Variants in ZCWPW2 observed in about 807,000 individuals in gnomAD.
The protein encoded by ZCWPW2 is zinc finger CW-type PWWP domain protein 2.
A neutral mutation model predicts 46.6 loss-of-function variants in ZCWPW2; 45 were observed. The ratio of observed to expected loss-of-function variants is 0.96; its 90% CI spans 0.76 to 1.24. The LOEUF is 1.24. ZCWPW2 is among the 50% of genes most tolerant of loss of function. ZCWPW2 has a pLI of 0.00. For missense variants in ZCWPW2, 429 were observed against 403.9 expected (o/e 1.06, Z -0.53); for synonymous variants, 152 against 137.1 (o/e 1.11, Z -0.76).
intron 3 of ZCWPW2, among the ~76,000 whole-genome samples, chr3:28,433,763 A>AC (rs895415550): frequency 7.0e-5 from 10 of 143,526 alleles, no homozygotes; most frequent in African/African-American, 2.2e-4. Flanking sequence ...CTTAAAAAAA[A>AC]AAAAAACAAA....
chr3:28,495,106 A>G (rs1277476376), intron 6 of ZCWPW2, among the ~76,000 whole-genome samples: 2 of 151,840 alleles, frequency 1.3e-5, no homozygotes, highest in Non-Finnish European at 2.9e-5. Flanking sequence ...ACCAAAAAAG[A>G]GCCCGCATCG....
intron 2 of ZCWPW2, among the ~76,000 whole-genome samples, chr3:28,403,789 G>A (rs902046321): frequency 1.4e-4 from 21 of 152,202 alleles, no homozygotes; most frequent in African/African-American, 4.6e-4. Context: ...AACATAAAGT[G>A]AGGAAAGGAC....
rs149253218 is a variant in ZCWPW2 at position 28,396,063 on chromosome 3, T to C, written c.-14+5446T>C. ...CTGGTAGAAAGGGCAAAGGAGCTGA[T>C]AATGCAGCAGGGTCAGTAGAGAGTT... On this transcript the variant is annotated intron_variant, in intron 2 of 9. Coordinates refer to ENST00000383768, the MANE Select transcript of ZCWPW2 (RefSeq NM_001040432.4). 6.6e-3 allele frequency among the ~76,000 whole-genome samples: 1,009 copies of C among 152,212 alleles called. 9 individuals carry two copies. The highest frequency in any genetic ancestry group is 0.02 in the African/African-American group (849 of 41,536).
intron 4 of ZCWPW2, among the ~76,000 whole-genome samples, chr3:28,469,019 A>G (rs1049669179): frequency 1.3e-5 from 2 of 152,192 alleles, no homozygotes; most frequent in African/African-American, 2.4e-5. Context: ...ACTTTTCAAG[A>G]CATAGAGAGT....
At chr3:28,389,307 A>C (rs774570022) in intron 1 of ZCWPW2, among the ~76,000 whole-genome samples, 5 of 152,180 alleles carry the variant, frequency 3.3e-5, no homozygotes, top group Non-Finnish European at 7.3e-5. Context: ...TGAGCTAGAA[A>C]TTTGAGTCCC....
At chr3:28,393,371 A>G (rs1000662161) in intron 2 of ZCWPW2, among the ~76,000 whole-genome samples, 8 of 152,158 alleles carry the variant, frequency 5.3e-5, no homozygotes, top group Non-Finnish European at 8.8e-5. Flanking sequence ...AAGATGAATT[A>G]ATATCAATCC....
intron 4 of ZCWPW2, among the ~76,000 whole-genome samples, chr3:28,452,831 A>G (rs1321182967): frequency 6.6e-6 from 1 of 152,190 alleles, no homozygotes; most frequent in South Asian, 2.1e-4. Context: ...TGCTGAGAAC[A>G]ATAAGGTGGA....
rs989523722 is a variant in ZCWPW2 at position 28,525,515 on chromosome 3, G to A, written c.*827G>A. Among the ~76,000 whole-genome samples, 7 of 151,728 alleles carry A rather than the reference G, an allele frequency of 4.6e-5. No individual in the cohort carries two copies. The South Asian group carries it at 1.0e-3, about 23-fold the overall frequency. ...TTAGTTCCTGCTCTATCTCTTTCTG[G>A]TGGTACGGGGTGGGGAAAAGGGCAT... On this transcript the variant is annotated 3_prime_UTR_variant, in exon 10 of 10. Transcript: ENST00000383768.
At chr3:28,350,244 G>A (rs1413315929) in intron 1 of ZCWPW2, among the ~76,000 whole-genome samples, 1 of 152,154 alleles carries the variant, frequency 6.6e-6, no homozygotes, top group Non-Finnish European at 1.5e-5. Flanking sequence ...ATTGGTTGAG[G>A]CATCACAAGT....
chr3:28,432,254 AGGAAATGTT>A (rs1346425774), intron 3 of ZCWPW2, among the ~76,000 whole-genome samples: 1 of 152,178 alleles, frequency 6.6e-6, no homozygotes, highest in Non-Finnish European at 1.5e-5. Flanking sequence ...CTGTACCACT[AGGAAATGTT>A]GGAAAAATCT....
intron 2 of ZCWPW2, among the ~76,000 whole-genome samples, chr3:28,398,507 C>G (rs1695792403): frequency 6.6e-6 from 1 of 152,104 alleles, no homozygotes; most frequent in Non-Finnish European, 1.5e-5. Flanking sequence ...AATTTTTGAT[C>G]CAGAACGACT....
At chr3:28,425,006 C>T (rs1276928430) in intron 3 of ZCWPW2, among the ~76,000 whole-genome samples, 3 of 152,148 alleles carry the variant, frequency 2.0e-5, no homozygotes, top group Admixed American at 2.0e-4. Context: ...AATGAAAATT[C>T]TGAAGTTTTA....
At chr3:28,477,858 A>G (rs1056421414) in intron 4 of ZCWPW2, among the ~76,000 whole-genome samples, 3 of 152,182 alleles carry the variant, frequency 2.0e-5, no homozygotes, top group Non-Finnish European at 2.9e-5. Context: ...TTATAAATAT[A>G]ACATTTAAAA....
At chr3:28,510,959 C>A in intron 6 of ZCWPW2, 1 of 422,278 alleles carries the variant, frequency 2.4e-6, no homozygotes, top group Non-Finnish European at 4.7e-6. Flanking sequence ...ACTAAGGGAA[C>A]CAGATTGAGT....
rs145479445 is a variant in ZCWPW2, at chr3:28,481,145, C to T, written c.610+2214C>T. On this transcript the variant is annotated intron_variant, in intron 5 of 9. Transcript: ENST00000383768. ...TGAAGATCAGATAGTTGTAGGTATG[C>T]GGCGTTATTTCTGAGTTCTTTATTC... Among the ~76,000 whole-genome samples the T allele has an allele frequency of 2.5e-3, 385 of 152,142 alleles. 1 individual carries two copies. The highest frequency in any genetic ancestry group is 8.4e-3 in the African/African-American group (347 of 41,508).
chr3:28,439,179 G>A (rs1207838661), intron 4 of ZCWPW2, among the ~76,000 whole-genome samples: 3 of 150,934 alleles, frequency 2.0e-5, no homozygotes, highest in Non-Finnish European at 4.4e-5. Flanking sequence ...ATATAAAGGG[G>A]AGTTTATTAA....
At chr3:28,377,970 A>G (rs955180345) in intron 1 of ZCWPW2, among the ~76,000 whole-genome samples, 3 of 152,106 alleles carry the variant, frequency 2.0e-5, no homozygotes, top group Non-Finnish European at 4.4e-5. Context: ...ATATGCCAGT[A>G]TGCTGTTTTC....
At chr3:28,381,389 T>C (rs1468026516) in intron 1 of ZCWPW2, among the ~76,000 whole-genome samples, 1 of 151,752 alleles carries the variant, frequency 6.6e-6, no homozygotes, top group Non-Finnish European at 1.5e-5. Context: ...TAAGAGAAAA[T>C]ATATTTACTA....
At chr3:28,451,553 GC>G (rs1371104475) in intron 4 of ZCWPW2, among the ~76,000 whole-genome samples, 1 of 152,136 alleles carries the variant, frequency 6.6e-6, no homozygotes, top group African/African-American at 2.4e-5. Context: ...CTCTTTACTT[GC>G]TGCTCAATGC....
Sources: allele counts gnomAD v4.1 joint callset (sites outside exome capture counted in the v4.1 genomes callset), GRCh38; gene constraint gnomAD v4.1.1; transcripts MANE v1.5; gene names NCBI Gene and HGNC (gene_info 2026-07-23, HGNC 2026-07-21).